TTC39B: variants seen among roughly 807,000 people sequenced by gnomAD.
TTC39B encodes the protein tetratricopeptide repeat domain 39B, also known as tetratricopeptide repeat protein 39B.
Under a neutral mutation model 96.6 loss-of-function variants are expected in TTC39B, and 92 were observed. The observed-to-expected ratio is 0.95, with a 90% CI of 0.80 to 1.13. The LOEUF (loss-of-function observed/expected upper bound fraction) is 1.13, where lower values mean the gene tolerates loss of function less well. Ranked by LOEUF, TTC39B falls within the 50% of genes most tolerant of loss-of-function variation. TTC39B has a pLI of 0.00. For synonymous variants in TTC39B, 367 were observed against 299.4 expected, an observed-to-expected ratio of 1.23 and a Z score of -2.33; for missense variants, 955 against 809.3, an observed-to-expected ratio of 1.18 and a Z score of -2.18.
At chr9:15,265,605 C>A (rs1823102284) in intron 2 of TTC39B, among the ~76,000 whole-genome samples, 2 of 152,262 alleles carry the variant, frequency 1.3e-5, no homozygotes, top group East Asian at 1.9e-4. Context: ...TCTTAAAAAT[C>A]ACATAAACAG....
chr9:15,226,033 G>C (rs1474631683), intron 2 of TTC39B, 21 bp from the exon 3 acceptor site: 1 of 1,608,244 alleles, frequency 6.2e-7, no homozygotes, highest in Non-Finnish European at 8.5e-7. Context: ...AAAAGGCAGA[G>C]CAAGGTTTTT....
chr9:15,296,254 G>A (rs528664051), intron 1 of TTC39B, among the ~76,000 whole-genome samples: 1 of 152,298 alleles, frequency 6.6e-6, no homozygotes, highest in East Asian at 1.9e-4. Flanking sequence ...TCTATGTGAT[G>A]AAATATAAAC....
chr9:15,211,423 C>A, intron 4 of TTC39B, 26 bp from the exon 5 acceptor site: 1 of 1,445,484 alleles, frequency 6.9e-7, no homozygotes, highest in Non-Finnish European at 9.1e-7. Context: ...GGAATTCAGA[C>A]ATTTTAATTC....
intron 1 of TTC39B, among the ~76,000 whole-genome samples, chr9:15,284,014 G>A (rs1823865258): frequency 6.6e-6 from 1 of 152,092 alleles, no homozygotes; most frequent in East Asian, 1.9e-4. Context: ...ACAAGCAACT[G>A]GCTAGGATAA....
chr9:15,177,899 T>C (rs1335037607), intron 17 of TTC39B, 85 bp from the exon 18 acceptor site: 2 of 821,774 alleles, frequency 2.4e-6, no homozygotes, highest in East Asian at 3.2e-5. Context: ...AGACGGACTC[T>C]CGCTCTCTCA....
At chr9:15,164,104 C>G (rs1817477620) in exon 20 of TTC39B, 1 of 152,118 alleles carries the variant, frequency 6.6e-6, no homozygotes, top group African/African-American at 2.4e-5. Context: ...GATCCAATGC[C>G]TCCTTGATCA....
chr9:15,199,412 T>G (rs1321522412), intron 8 of TTC39B, among the ~76,000 whole-genome samples: 1 of 151,968 alleles, frequency 6.6e-6, no homozygotes, highest in Non-Finnish European at 1.5e-5. Flanking sequence ...CAACAAAAAA[T>G]TAAGTTCATT....
chr9:15,230,917 G>A (rs979884997), intron 2 of TTC39B, among the ~76,000 whole-genome samples: 6 of 151,894 alleles, frequency 4.0e-5, no homozygotes, highest in South Asian at 2.1e-4. Context: ...CCCGGGAGGC[G>A]GAGGTTGCAG....
intron 12 of TTC39B, 28 bp from the exon 13 acceptor site, chr9:15,189,661 T>C: frequency 6.2e-7 from 1 of 1,614,096 alleles, no homozygotes; most frequent in Non-Finnish European, 8.5e-7. Flanking sequence ...AAACACACTG[T>C]TCAACAGTCA....
intron 6 of TTC39B, among the ~76,000 whole-genome samples, chr9:15,204,485 C>T (rs1186642780): frequency 1.3e-5 from 2 of 151,376 alleles, no homozygotes; most frequent in African/African-American, 2.4e-5. Context: ...GCCGAGATTG[C>T]GCCATTGCAC....
At chr9:15,174,215 G>A in intron 19 of TTC39B, among the ~76,000 whole-genome samples, 1 of 151,776 alleles carries the variant, frequency 6.6e-6, no homozygotes, top group East Asian at 1.9e-4. Context: ...TAACAGAGCA[G>A]AAGTATTGCC....
intron 18 of TTC39B, among the ~76,000 whole-genome samples, chr9:15,175,590 T>A (rs1292623606): frequency 3.3e-5 from 5 of 152,100 alleles, no homozygotes; most frequent in Non-Finnish European, 5.9e-5. Flanking sequence ...TCAGCACTAT[T>A]AGGAGAACTC....
chr9:15,188,649 C>A (rs1024641024), intron 13 of TTC39B, among the ~76,000 whole-genome samples: 2 of 152,074 alleles, frequency 1.3e-5, no homozygotes, highest in African/African-American at 4.8e-5. Flanking sequence ...AATTTGTAAA[C>A]TAGGCAATAT....
intron 1 of TTC39B, among the ~76,000 whole-genome samples, chr9:15,303,167 CA>C (rs576860265): frequency 6.1e-5 from 9 of 147,742 alleles, no homozygotes; most frequent in South Asian, 2.1e-4. Context: ...GACTCCAACT[CA>C]AAAAAAAAAT....
Position 15,277,203 on chromosome 9 carries a change from T to G in TTC39B, c.241-9255A>C, listed in dbSNP as rs952094052. On this transcript the variant is annotated intron_variant, in intron 1 of 19. Coordinates refer to ENST00000512701, the Ensembl canonical transcript of TTC39B. Reference sequence around the variant, plus strand: ...CAGCACTTTGGGAGGCAGAGGCGGGTGGATCACCTGAGGTCGGGAGTTCAA... The same window carrying G: ...CAGCACTTTGGGAGGCAGAGGCGGGGGGATCACCTGAGGTCGGGAGTTCAA... Among the ~76,000 whole-genome samples the G allele has an allele frequency of 4.0e-5, 6 of 151,434 alleles. No homozygotes were observed. The East Asian group carries it at 7.8e-4, about 20-fold the overall frequency.
In TTC39B at chr9:15,294,842, G is replaced by C. The variant is rs1351567544; in HGVS notation, c.240+12242C>G. On this transcript the variant is annotated intron_variant, in intron 1 of 19. Transcript: ENST00000512701. ...TTGACAATGCCACAAGCCAACTTCT[G>C]GGCCCCCCACGATAAGCGCTGCATA... Among the ~76,000 whole-genome samples, 3 of 152,236 alleles carry C rather than the reference G, an allele frequency of 2.0e-5. No individual in the cohort carries two copies. In the South Asian group the frequency reaches 6.2e-4, roughly 32 times the overall value.
chr9:15,193,546 C>CA (rs1348224678), intron 8 of TTC39B, among the ~76,000 whole-genome samples: 2 of 152,124 alleles, frequency 1.3e-5, no homozygotes, highest in Non-Finnish European at 2.9e-5. Flanking sequence ...TTCCAGTTTA[C>CA]AAAAAATGTA....
chr9:15,248,360 T>C (rs1164879773), intron 2 of TTC39B, among the ~76,000 whole-genome samples: 3 of 152,222 alleles, frequency 2.0e-5, no homozygotes, highest in South Asian at 4.1e-4. Context: ...TCTAGGGATC[T>C]GTACCTTCAG....
intron 4 of TTC39B, among the ~76,000 whole-genome samples, chr9:15,211,855 G>C (rs1296206395): frequency 6.6e-6 from 1 of 152,212 alleles, no homozygotes; most frequent in East Asian, 1.9e-4. Context: ...GAGCAAACAA[G>C]ATTTTGGAAT....
Sources: gnomAD v4.1 joint callset for allele counts (sites outside exome capture counted in the v4.1 genomes callset) on GRCh38, gnomAD v4.1.1 for gene constraint, MANE v1.5 for transcripts, NCBI Gene and HGNC (gene_info 2026-07-23, HGNC 2026-07-21) for gene names.